The following ADAM12 variants were observed in gnomAD, a reference collection of about 807,000 sequenced individuals.
ADAM12 encodes the protein ADAM metallopeptidase domain 12.
A neutral mutation model predicts 106.4 loss-of-function variants in ADAM12; 70 were observed. That is an observed-to-expected ratio of 0.66 (90% CI 0.54 to 0.80). The LOEUF (loss-of-function observed/expected upper bound fraction) is 0.80. Ranked by LOEUF, ADAM12 falls within the 30% of genes least tolerant of loss-of-function variation. ADAM12 has a pLI of 0.00. For missense variants in ADAM12, 1,010 were observed against 1,171.9 expected (o/e 0.86, Z 2.02); for synonymous variants, 420 against 433.5 (o/e 0.97, Z 0.39).
intron 3 of ADAM12, among the ~76,000 whole-genome samples, chr10:126,203,947 TG>T (rs1957749778): frequency 6.6e-6 from 1 of 152,086 alleles, no homozygotes; most frequent in Non-Finnish European, 1.5e-5. Flanking sequence ...CGCGTGTGTG[TG>T]TGTGTGTGTG....
chr10:126,159,830 C>G (rs1956900874), intron 3 of ADAM12, among the ~76,000 whole-genome samples: 1 of 152,178 alleles, frequency 6.6e-6, no homozygotes, highest in Non-Finnish European at 1.5e-5. Flanking sequence ...ACCCACTGCT[C>G]CTCATCATCA....
intron 2 of ADAM12, among the ~76,000 whole-genome samples, chr10:126,324,614 C>G (rs929758914): frequency 6.6e-6 from 1 of 152,070 alleles, no homozygotes; most frequent in Non-Finnish European, 1.5e-5. Flanking sequence ...CAGTGGTAGA[C>G]AGCAGAAAGA....
At chr10:126,322,795 G>T (rs1854149970) in intron 2 of ADAM12, among the ~76,000 whole-genome samples, 1 of 152,164 alleles carries the variant, frequency 6.6e-6, no homozygotes, top group East Asian at 1.9e-4. Flanking sequence ...AACATCCACG[G>T]TTCTTCTCCT....
chr10:126,355,222 A>C (rs1855497245), intron 1 of ADAM12, among the ~76,000 whole-genome samples: 1 of 152,244 alleles, frequency 6.6e-6, no homozygotes, highest in South Asian at 2.1e-4. Flanking sequence ...AAGAAATAAA[A>C]CCAGAAATGA....
rs553135297 is a variant in ADAM12, at chr10:126,268,086, C to G, written c.260+10829G>C. 2.1e-4 allele frequency among the ~76,000 whole-genome samples: 32 copies of G among 152,230 alleles called. No individual in the cohort carries two copies. The East Asian group carries it at 4.1e-3, about 19-fold the overall frequency. On this transcript the variant is annotated intron_variant, in intron 3 of 22. Transcript: ENST00000448723. ...CCATCTCCATAAGTCTTTCATCATC[C>G]CAAACAGAAACTTTGCCCACCAAAC...
At chr10:126,341,212 CA>C (rs1353522606) in intron 1 of ADAM12, among the ~76,000 whole-genome samples, 2 of 152,150 alleles carry the variant, frequency 1.3e-5, no homozygotes, top group Non-Finnish European at 2.9e-5. Flanking sequence ...CTATCAGTAT[CA>C]AATCTTGTTT....
At chr10:126,026,574 T>C (rs776231376) in intron 21 of ADAM12, among the ~76,000 whole-genome samples, 93 of 152,332 alleles carry the variant, frequency 6.1e-4, no homozygotes, top group Middle Eastern at 3.4e-3. Context: ...TAACAGTCTG[T>C]CAAACCACAG....
At position 126,366,746 on chromosome 10, in the gene ADAM12, T is replaced by C. The variant is rs547254969; in HGVS notation, c.88+21312A>G. The stretch of plus-strand genomic sequence containing the variant: ...GAAAAAAATGCTCTGCGCATACATA[T>C]GCAAACACTAAGCATAGGAAAGCTG... On this transcript the variant is annotated intron_variant, in intron 1 of 22. Transcript: ENST00000448723. 2.0e-5 allele frequency among the ~76,000 whole-genome samples: 3 copies of C among 152,206 alleles called. No homozygotes were observed. The East Asian group carries it at 5.8e-4, about 29-fold the overall frequency.
intron 11 of ADAM12, among the ~76,000 whole-genome samples, chr10:126,086,706 T>TATATATATATAA (rs1421464288): frequency 1.1e-4 from 7 of 65,190 alleles, no homozygotes; most frequent in Admixed American, 2.1e-4. Context: ...TATATATATA[T>TATATATATATAA]AAAATAAAAT....
At chr10:126,385,398 G>A (rs1856627787) in intron 1 of ADAM12, among the ~76,000 whole-genome samples, 1 of 152,180 alleles carries the variant, frequency 6.6e-6, no homozygotes, top group Non-Finnish European at 1.5e-5. Flanking sequence ...AAGCTCATTA[G>A]CATACAAAAG....
intron 3 of ADAM12, among the ~76,000 whole-genome samples, chr10:126,207,773 A>G (rs979839273): frequency 2.6e-5 from 4 of 152,214 alleles, no homozygotes; most frequent in Admixed American, 1.3e-4. Context: ...TCGAACACCA[A>G]TATTCTTCCA....
intron 5 of ADAM12, among the ~76,000 whole-genome samples, chr10:126,124,063 CG>C (rs1242950791): frequency 2.0e-5 from 3 of 152,078 alleles, no homozygotes; most frequent in African/African-American, 7.2e-5. Flanking sequence ...CAGCAGGCAC[CG>C]GGGCCGCTTA....
chr10:126,230,454 A>C (rs933620882), intron 3 of ADAM12, among the ~76,000 whole-genome samples: 1 of 152,204 alleles, frequency 6.6e-6, no homozygotes, highest in African/African-American at 2.4e-5. Context: ...TGTATGTTTA[A>C]TATTCTTAAT....
chr10:126,026,663 G>A (rs1249966606), intron 21 of ADAM12, among the ~76,000 whole-genome samples: 2 of 152,132 alleles, frequency 1.3e-5, no homozygotes, highest in East Asian at 1.9e-4. Context: ...ACCTGCTCCT[G>A]AATGACTCTT....
chr10:126,146,303 G>A (rs982663337), intron 4 of ADAM12, among the ~76,000 whole-genome samples: 5 of 152,288 alleles, frequency 3.3e-5, no homozygotes, highest in South Asian at 2.1e-4. Flanking sequence ...AGGGAGAGCC[G>A]GTGAGTTAGG....
intron 1 of ADAM12, among the ~76,000 whole-genome samples, chr10:126,376,218 T>A (rs1218475548): frequency 6.6e-6 from 1 of 152,084 alleles, no homozygotes; most frequent in Non-Finnish European, 1.5e-5. Context: ...AGAATAAAAA[T>A]TGAGCAAACA....
intron 5 of ADAM12, among the ~76,000 whole-genome samples, chr10:126,121,181 C>CTATAT (rs1956097484): frequency 1.4e-4 from 4 of 27,628 alleles, no homozygotes; most frequent in South Asian, 8.3e-4. Flanking sequence ...ATACTATATA[C>CTATAT]ACTATATACT....
chr10:126,230,433 G>A (rs559628378), intron 3 of ADAM12, among the ~76,000 whole-genome samples: 1 of 152,160 alleles, frequency 6.6e-6, no homozygotes, highest in African/African-American at 2.4e-5. Context: ...TGAAACTGCT[G>A]AGTCGAATGC....
chr10:126,313,897 G>A (rs1424720634), intron 2 of ADAM12, among the ~76,000 whole-genome samples: 2 of 152,076 alleles, frequency 1.3e-5, no homozygotes, highest in African/African-American at 4.8e-5. Context: ...GCAACCAAGC[G>A]AGTGGGCATC....
Sources: allele counts gnomAD v4.1 joint callset (sites outside exome capture counted in the v4.1 genomes callset), GRCh38; gene constraint gnomAD v4.1.1; transcripts MANE v1.5; gene names NCBI Gene and HGNC (gene_info 2026-07-23, HGNC 2026-07-21).